The following CCDC159 variants were observed in gnomAD, a reference collection of about 807,000 sequenced individuals.
The protein encoded by CCDC159 is coiled-coil domain containing 159, also known as coiled-coil domain-containing protein 159.
CCDC159 carries 40 observed loss-of-function variants against 50.9 expected under a neutral mutation model. The observed-to-expected ratio is 0.79, with a 90% CI of 0.61 to 1.02. CCDC159 has a LOEUF of 1.02. Ranked by LOEUF, CCDC159 falls within the 50% of genes least tolerant of loss-of-function variation. The pLI, the probability that CCDC159 is intolerant of heterozygous loss-of-function variation, is 0.00. For synonymous variants in CCDC159, 146 were observed against 138.9 expected (o/e 1.05, Z -0.36); for missense variants, 356 against 371.5 (o/e 0.96, Z 0.34).
chr19:11,347,138 T>G (rs1967285193), intron 1 of CCDC159, among the ~76,000 whole-genome samples: 1 of 151,418 alleles, frequency 6.6e-6, no homozygotes. Context: ...AGTGAGGACC[T>G]CCCTGAGGCA....
chr19:11,349,026 A>T (rs1003930313), intron 1 of CCDC159: 2 of 1,341,374 alleles, frequency 1.5e-6, no homozygotes, highest in Admixed American at 2.0e-5. Flanking sequence ...CCAGAGCCAG[A>T]GACCTTGGGA....
At chr19:11,352,703 G>T (rs1967651243) in intron 7 of CCDC159, among the ~76,000 whole-genome samples, 1 of 152,100 alleles carries the variant, frequency 6.6e-6, no homozygotes, top group African/African-American at 2.4e-5. Context: ...GGCTGAGGTG[G>T]TTGGATTGCT....
Position 11,349,002 on chromosome 19 carries a change from A to G in CCDC159, c.22-652A>G, listed in dbSNP as rs745747568. On this transcript the variant is annotated intron_variant, in intron 1 of 10. Coordinates refer to ENST00000458408, the MANE Select transcript of CCDC159 (RefSeq NM_001080503.3). ...GACAAGGCTCTGGAGCGTACAGCTCACTGGTCCAGGACTCCAGAGCCAGAG... is the reference window on the plus strand; with the variant it reads ...GACAAGGCTCTGGAGCGTACAGCTCGCTGGTCCAGGACTCCAGAGCCAGAG... 3 of 1,340,686 alleles carry G rather than the reference A, an allele frequency of 2.2e-6. No individual in the cohort carries two copies. The East Asian group carries it at 1.4e-4, about 62-fold the overall frequency. 83.0% of individuals were successfully genotyped at this position (1,340,686 alleles called of 1,614,324 possible).
At chr19:11,350,747 T>A in intron 4 of CCDC159, 61 bp from the exon 5 acceptor site, 1 of 1,461,192 alleles carries the variant, frequency 6.8e-7, no homozygotes, top group Non-Finnish European at 9.1e-7. Context: ...TGGGTCAAGA[T>A]TAGGACAAGC....
At chr19:11,353,966 C>T in intron 9 of CCDC159, 92 bp downstream of exon 9, 1 of 979,610 alleles carries the variant, frequency 1.0e-6, no homozygotes, top group Non-Finnish European at 1.5e-6. Flanking sequence ...GGAGTCACAT[C>T]TGATGGGTGT....
At position 11,352,061 on chromosome 19, in the gene CCDC159, G is replaced by A. The variant is rs1245009556; in HGVS notation, c.495G>A (p.Ala165=). Residue 165 remains alanine, a synonymous_variant, in exon 7 of 11, where the codon GCG becomes GCA. Coordinates refer to ENST00000458408, the MANE Select transcript of CCDC159 (RefSeq NM_001080503.3). ...EVTFIYQKLQ[A]QEDEISENLV... The stretch of plus-strand genomic sequence containing the variant: ...CTGAGCCCCCTCCCTCCACAGAAGC[G>A]CAGGAGGATGAGATCTCAGAGAACT... The A allele has an allele frequency of 6.2e-6, 10 of 1,613,736 alleles. No homozygotes were observed. Among genetic ancestry groups the A allele is most frequent in the African/African-American group, 1.3e-5 (1 of 74,998 alleles).
chr19:11,351,006 C>A lies in CCDC159; in HGVS notation c.422+3C>A. ...CTGGCCCAGGAGATCCGGGACAGGTCGGGGATGGCGGGAGGGCAGCTTGGA... is the reference window on the plus strand; with the variant it reads ...CTGGCCCAGGAGATCCGGGACAGGTAGGGGATGGCGGGAGGGCAGCTTGGA... On this transcript the variant is annotated splice_donor_region_variant and intron_variant, in intron 5 of 10. Coordinates refer to ENST00000458408, the MANE Select transcript of CCDC159 (RefSeq NM_001080503.3). 2.0e-6 allele frequency: 3 copies of A among 1,520,132 alleles called. No homozygotes were observed. Among genetic ancestry groups the A allele is most frequent in the South Asian group, 2.5e-5 (2 of 81,338 alleles). The allele number at this position is 1,520,132 out of a possible 1,614,324, so 94.2% of individuals were successfully genotyped here. A position where few individuals can be genotyped will look rare whatever the true frequency, so the allele number is the denominator to read the frequency against.
intron 9 of CCDC159, 151 bp from the exon 10 acceptor site, chr19:11,354,429 T>C (rs1967767437): frequency 1.4e-6 from 1 of 721,112 alleles, no homozygotes; most frequent in Non-Finnish European, 2.2e-6. Context: ...GCAAGGGTCA[T>C]TGAAGTCATA....
intron 7 of CCDC159, 47 bp downstream of exon 7, chr19:11,352,180 G>A (rs1161920326): frequency 6.4e-7 from 1 of 1,571,630 alleles, no homozygotes; most frequent in Admixed American, 1.7e-5. Flanking sequence ...GAGAGGGAGG[G>A]ATGGGGATTT....
intron 5 of CCDC159, 200 bp downstream of exon 5, chr19:11,351,203 G>A (rs984159733): frequency 1.3e-5 from 7 of 557,330 alleles, no homozygotes; most frequent in Admixed American, 3.5e-5. Context: ...TTGGGAAGCC[G>A]AGATGGGCGG....
intron 7 of CCDC159, 98 bp downstream of exon 7, chr19:11,352,231 C>T: frequency 8.4e-7 from 1 of 1,195,710 alleles, no homozygotes; most frequent in Non-Finnish European, 1.2e-6. Context: ...GGGTTCAAAT[C>T]TCAGCTCTGC....
chr19:11,349,232 A>G, intron 1 of CCDC159: 1 of 1,213,114 alleles, frequency 8.2e-7, no homozygotes. Flanking sequence ...AATGCAGAAA[A>G]CCACTGCAAT....
chr19:11,353,842 C>G lies in CCDC159; in HGVS notation c.740C>G (p.Ser247Trp). The change falls in exon 9 of 11, where the codon TCG becomes TGG. Residue 247 changes from serine to tryptophan, a missense_variant. Transcript: ENST00000458408. ...TCCATAGACAGCCTCACTTTGTGCTCGGGGGCCTGTCCCAAGGCCTCGAGC... is the reference window on the plus strand; with the variant it reads ...TCCATAGACAGCCTCACTTTGTGCTGGGGGGCCTGTCCCAAGGCCTCGAGC... ...QNSIDSLTLC[S>W]GACPKASSLR... The G allele has an allele frequency of 6.3e-7, 1 of 1,592,448 alleles. No homozygotes were observed. Among genetic ancestry groups the G allele is most frequent in the Non-Finnish European group, 8.5e-7 (1 of 1,169,668 alleles).
intron 6 of CCDC159, 22 bp downstream of exon 6, chr19:11,351,995 C>A (rs1967612001): frequency 6.2e-7 from 1 of 1,610,928 alleles, no homozygotes; most frequent in Non-Finnish European, 8.5e-7. Context: ...GAGCCCACAG[C>A]CGGTGTGTGG....
intron 7 of CCDC159, chr19:11,353,249 C>T (rs532801759): frequency 2.5e-4 from 96 of 380,718 alleles, no homozygotes; most frequent in South Asian, 6.2e-4. Flanking sequence ...AACAGGCGCC[C>T]GCCACCACGC....
Position 11,350,977 on chromosome 19 carries a change from G to C in CCDC159, c.396G>C (p.Gln132His). The part of the protein sequence containing the change: ...MQRARTTRCL[Q>H]LLAQEIRDSK... ...GGGCCCGCACCACTCGCTGCCTGCA[G>C]CTGCTGGCCCAGGAGATCCGGGACA... is the stretch of plus-strand genomic sequence containing the variant. Residue 132 changes from glutamine (Q) to histidine (H), a missense_variant, in exon 5 of 11, where the codon CAG (glutamine) becomes CAC (histidine). Gln to His is a conservative substitution (Grantham distance 24). Transcript: ENST00000458408. The C allele has an allele frequency of 6.4e-7, 1 of 1,553,306 alleles. No individual in the cohort carries two copies. The highest frequency in any genetic ancestry group is 1.4e-5 in the African/African-American group (1 of 73,416).
At chr19:11,349,330 C>T (rs1967443387) in intron 1 of CCDC159, 4 of 520,042 alleles carry the variant, frequency 7.7e-6, no homozygotes, top group Admixed American at 3.5e-5. Context: ...CCTAGAACAG[C>T]ACCTGGCACT....
chr19:11,352,217 G>A, intron 7 of CCDC159, 84 bp downstream of exon 7: 3 of 1,371,596 alleles, frequency 2.2e-6, no homozygotes, highest in Non-Finnish European at 3.1e-6. Context: ...TGAGATTGGA[G>A]CCTGGGTTCA....
chr19:11,349,317 G>T (rs12984429), intron 1 of CCDC159: 29,276 of 601,444 alleles, frequency 0.049, 1,801 homozygotes, highest in African/African-American at 0.24. Flanking sequence ...TGTTTCTTCA[G>T]CACCTAGAAC....
Sources: allele counts gnomAD v4.1 joint callset (sites outside exome capture counted in the v4.1 genomes callset), GRCh38; gene constraint gnomAD v4.1.1; transcripts MANE v1.5; gene names NCBI Gene and HGNC (gene_info 2026-07-23, HGNC 2026-07-21).